LRRC37A2: variants seen among roughly 807,000 people sequenced by gnomAD.
LRRC37A2 encodes leucine-rich repeat-containing protein 37A2.
LRRC37A2 carries 9 observed loss-of-function variants against 68.8 expected under a neutral mutation model. The observed-to-expected ratio is 0.13, with a 90% CI of 0.08 to 0.23. LRRC37A2 has a LOEUF of 0.23. Among genes scored for constraint, LRRC37A2 ranks in the 10% least tolerant of loss-of-function variants. The pLI, the probability that LRRC37A2 is intolerant of heterozygous loss-of-function variation, is 1.00. For synonymous variants in LRRC37A2, 63 were observed against 367.6 expected (o/e 0.17, Z 9.48); for missense variants, 168 against 950.4 (o/e 0.18, Z 10.82).
chr17:46,784,384 G>C, the LRRC37A2 span, among the ~76,000 whole-genome samples: 2 of 152,326 alleles, frequency 1.3e-5, no homozygotes, highest in African/African-American at 4.8e-5. Context: ...AGGGACGGAA[G>C]CTAGAAATCC....
the LRRC37A2 span, among the ~76,000 whole-genome samples, chr17:46,997,115 C>T: frequency 6.6e-6 from 1 of 152,144 alleles, no homozygotes; most frequent in African/African-American, 2.4e-5. Context: ...CTTTGGGAGG[C>T]GGAGGCAGTC....
chr17:46,772,162 C>T, the LRRC37A2 span, among the ~76,000 whole-genome samples: 2 of 152,190 alleles, frequency 1.3e-5, no homozygotes, highest in African/African-American at 4.8e-5. Flanking sequence ...GGGCTCTGGG[C>T]ACCGACCGGG....
chr17:47,037,418 T>G, the LRRC37A2 span, among the ~76,000 whole-genome samples: 5 of 152,174 alleles, frequency 3.3e-5, no homozygotes, highest in Middle Eastern at 3.4e-3. Context: ...AAATGAAAAC[T>G]TTTTCACTCA....
chr17:46,865,397 T>G, the LRRC37A2 span, among the ~76,000 whole-genome samples: 1 of 151,938 alleles, frequency 6.6e-6, no homozygotes, highest in Non-Finnish European at 1.5e-5. Context: ...GGCTCTTTCC[T>G]CTCTGAGTCA....
chr17:46,743,940 A>G, the LRRC37A2 span, among the ~76,000 whole-genome samples: 2 of 152,148 alleles, frequency 1.3e-5, no homozygotes, highest in Non-Finnish European at 2.9e-5. Context: ...GCTCTGTCTC[A>G]GCTGCTTCTA....
chr17:46,711,667 A>G, the LRRC37A2 span, among the ~76,000 whole-genome samples: 1 of 152,242 alleles, frequency 6.6e-6, no homozygotes, highest in African/African-American at 2.4e-5. Flanking sequence ...GGGGAAGGAC[A>G]TTCCATTCAC....
chr17:46,806,472 G>GT, the LRRC37A2 span, among the ~76,000 whole-genome samples: 2 of 152,170 alleles, frequency 1.3e-5, no homozygotes, highest in African/African-American at 4.8e-5. Context: ...GTCCCCCAAA[G>GT]TGCCGGGGTT....
At chr17:46,979,151 TGC>T in the LRRC37A2 span, 1 of 911,486 alleles carries the variant, frequency 1.1e-6, no homozygotes, top group Non-Finnish European at 1.5e-6. Context: ...GCTGGCTGCC[TGC>T]GCGCTCTCGG....
At chr17:47,025,174 G>A in the LRRC37A2 span, among the ~76,000 whole-genome samples, 1 of 152,178 alleles carries the variant, frequency 6.6e-6, no homozygotes, top group African/African-American at 2.4e-5. Context: ...AGAAATATGT[G>A]AGAGAGATCA....
chr17:46,821,402 G>A, the LRRC37A2 span, among the ~76,000 whole-genome samples: 25 of 152,328 alleles, frequency 1.6e-4, no homozygotes, highest in African/African-American at 3.8e-4. Context: ...CACCCCTTGC[G>A]CTGCCGCGGG....
the LRRC37A2 span, chr17:46,923,598 G>A: frequency 7.7e-7 from 1 of 1,291,596 alleles, no homozygotes; most frequent in South Asian, 2.9e-5. Context: ...ACGGCCCCTG[G>A]CCGTAGGAGT....
At chr17:46,875,345 C>T in the LRRC37A2 span, 2 of 1,608,866 alleles carry the variant, frequency 1.2e-6, no homozygotes, top group Non-Finnish European at 1.7e-6. Flanking sequence ...CAGACGCCCA[C>T]AATACCCACG....
At chr17:46,416,422 A>T in the LRRC37A2 span, among the ~76,000 whole-genome samples, 1 of 4,946 alleles carries the variant, frequency 2.0e-4, no homozygotes, top group Non-Finnish European at 6.3e-4. Context: ...AGTAGCTGGG[A>T]TTACAGGCAT....
the LRRC37A2 span, among the ~76,000 whole-genome samples, chr17:46,975,769 C>G: frequency 6.6e-6 from 1 of 152,180 alleles, no homozygotes; most frequent in Non-Finnish European, 1.5e-5. Flanking sequence ...CGCGTCTTCA[C>G]TATTTTTTTA....
chr17:46,907,693 A>AAAAAAC, the LRRC37A2 span, among the ~76,000 whole-genome samples: 4 of 135,468 alleles, frequency 3.0e-5, 1 homozygote, highest in Non-Finnish European at 6.3e-5. Context: ...AAAAAACAAA[A>AAAAAAC]AACCCAAAAT....
At chr17:46,978,870 GGCCA>G in the LRRC37A2 span, 1 of 1,567,120 alleles carries the variant, frequency 6.4e-7, no homozygotes, top group Non-Finnish European at 8.6e-7. Flanking sequence ...CGTCGCTGGC[GGCCA>G]GCGGTGCGCC....
the LRRC37A2 span, among the ~76,000 whole-genome samples, chr17:46,574,927 C>T: frequency 1.9e-5 from 1 of 51,350 alleles, no homozygotes; most frequent in African/African-American, 7.4e-5. Flanking sequence ...GAAACCCTGT[C>T]TCTACCACAA....
the LRRC37A2 span, among the ~76,000 whole-genome samples, chr17:46,943,229 C>G: frequency 6.6e-6 from 1 of 152,160 alleles, no homozygotes; most frequent in Non-Finnish European, 1.5e-5. Context: ...AAGCCTGATT[C>G]TCCCTCTGGA....
chr17:46,881,652 C>A, the LRRC37A2 span, among the ~76,000 whole-genome samples: 1 of 152,178 alleles, frequency 6.6e-6, no homozygotes, highest in Non-Finnish European at 1.5e-5. Context: ...GCCCGCAGAC[C>A]CCTCCACCTC....
Sources: gnomAD v4.1 joint callset for allele counts (sites outside exome capture counted in the v4.1 genomes callset) on GRCh38, gnomAD v4.1.1 for gene constraint, MANE v1.5 for transcripts, NCBI Gene and HGNC (gene_info 2026-07-23, HGNC 2026-07-21) for gene names.